The following ADCY8 variants were observed in gnomAD, a reference collection of about 807,000 sequenced individuals.
ADCY8 encodes the protein adenylate cyclase 8.
Under a neutral mutation model 119.7 loss-of-function variants are expected in ADCY8, and 51 were observed. That is an observed-to-expected ratio of 0.43 (90% CI 0.34 to 0.54). The LOEUF is 0.54. ADCY8 is among the 20% of genes least tolerant of loss of function. The pLI, the probability that ADCY8 is intolerant of heterozygous loss-of-function variation, is 0.03. For synonymous variants in ADCY8, 665 were observed against 651.0 expected (o/e 1.02, Z -0.33); for missense variants, 1,383 against 1,598.8 (o/e 0.87, Z 2.30).
At chr8:130,859,553 A>T (rs1371530799) in intron 9 of ADCY8, among the ~76,000 whole-genome samples, 2 of 152,140 alleles carry the variant, frequency 1.3e-5, no homozygotes, top group African/African-American at 4.8e-5. Flanking sequence ...TTTACTCCCC[A>T]CATCCCCTTC....
At chr8:130,890,005 T>C (rs1819127437) in intron 7 of ADCY8, among the ~76,000 whole-genome samples, 1 of 152,120 alleles carries the variant, frequency 6.6e-6, no homozygotes, top group Non-Finnish European at 1.5e-5. Context: ...CTCTAGACTA[T>C]GATCTCCTTG....
chr8:130,880,133 G>GTAAC (rs987389458), intron 8 of ADCY8, among the ~76,000 whole-genome samples: 2 of 152,160 alleles, frequency 1.3e-5, no homozygotes, highest in African/African-American at 4.8e-5. Context: ...CCAGCCATGT[G>GTAAC]TAACTGTAAG....
At chr8:130,961,614 C>T (rs11786761) in intron 2 of ADCY8, among the ~76,000 whole-genome samples, 12 of 152,000 alleles carry the variant, frequency 7.9e-5, no homozygotes, top group African/African-American at 1.7e-4. Context: ...TATCCTTCCA[C>T]TTCCCTTCTT....
intron 7 of ADCY8, among the ~76,000 whole-genome samples, chr8:130,900,565 T>G (rs1170773232): frequency 7.2e-5 from 11 of 152,316 alleles, no homozygotes; most frequent in Non-Finnish European, 1.5e-5. Context: ...TTGTCTCCAT[T>G]TGACTTTGCT....
chr8:130,931,602 C>A (rs1820631255), intron 5 of ADCY8, among the ~76,000 whole-genome samples: 1 of 152,034 alleles, frequency 6.6e-6, no homozygotes, highest in Non-Finnish European at 1.5e-5. Flanking sequence ...TGATGTTGTC[C>A]TATAAATCTT....
chr8:130,952,086 T>C, intron 2 of ADCY8, 88 bp from the exon 3 acceptor site: 1 of 1,475,818 alleles, frequency 6.8e-7, no homozygotes, highest in Non-Finnish European at 9.3e-7. Flanking sequence ...ATGGGGCTTT[T>C]GGATGAACTC....
intron 11 of ADCY8, among the ~76,000 whole-genome samples, chr8:130,841,077 C>T (rs1285864041): frequency 2.0e-5 from 3 of 152,238 alleles, no homozygotes; most frequent in South Asian, 2.1e-4. Context: ...ATTCATCTTA[C>T]ATTAGATGAA....
chr8:130,950,638 CT>C (rs1175027277), intron 3 of ADCY8, among the ~76,000 whole-genome samples: 1 of 152,208 alleles, frequency 6.6e-6, no homozygotes, highest in Non-Finnish European at 1.5e-5. Flanking sequence ...GCCCATTTCC[CT>C]CATGTACTTC....
chr8:130,896,210 C>T (rs1030514486), intron 7 of ADCY8, among the ~76,000 whole-genome samples: 2 of 152,258 alleles, frequency 1.3e-5, no homozygotes, highest in Admixed American at 1.3e-4. Flanking sequence ...CTGCTGACCT[C>T]TTAGTAGCAC....
At chr8:130,909,659 T>G in intron 6 of ADCY8, 49 bp downstream of exon 6, 1 of 1,607,504 alleles carries the variant, frequency 6.2e-7, no homozygotes, top group Non-Finnish European at 8.5e-7. Context: ...TGTCACAAAA[T>G]AAGCCAATGA....
intron 5 of ADCY8, among the ~76,000 whole-genome samples, chr8:130,931,582 T>G (rs1820630825): frequency 6.6e-6 from 1 of 152,174 alleles, no homozygotes; most frequent in Non-Finnish European, 1.5e-5. Flanking sequence ...GACTTGAATA[T>G]TTGCTCTTTT....
chr8:130,873,140 G>A (rs1030272122), intron 8 of ADCY8, among the ~76,000 whole-genome samples: 1 of 152,164 alleles, frequency 6.6e-6, no homozygotes, highest in African/African-American at 2.4e-5. Context: ...TTCCATGCCT[G>A]GGATAGTCCT....
chr8:131,039,959 G>A lies in ADCY8; in HGVS notation c.375C>T (p.Gly125=). The change falls in exon 1 of 18, where the codon GGC becomes GGT. Residue 125 remains glycine, a synonymous_variant. Coordinates refer to ENST00000286355, the MANE Select transcript of ADCY8 (RefSeq NM_001115.3). ...SGSASGSGGG[G]DLGFLHLDCA... ...AGTCAAGGTGCAGGAAGCCCAGGTC[G>A]CCCCCGCCTCCGCTGCCGCTGGCAC... The A allele has an allele frequency of 1.3e-6, 2 of 1,586,948 alleles. No homozygotes were observed. The highest frequency in any genetic ancestry group is 2.3e-5 in the East Asian group (1 of 43,514).
intron 12 of ADCY8, among the ~76,000 whole-genome samples, chr8:130,830,662 G>A (rs1816807398): frequency 6.6e-6 from 1 of 152,130 alleles, no homozygotes; most frequent in African/African-American, 2.4e-5. Flanking sequence ...AGACAACATA[G>A]CCACTTCACT....
chr8:130,910,435 G>A (rs996906926), intron 5 of ADCY8, among the ~76,000 whole-genome samples: 7 of 151,936 alleles, frequency 4.6e-5, no homozygotes, highest in Admixed American at 4.6e-4. Flanking sequence ...CCACCATCAT[G>A]CCTGAGTCTG....
chr8:130,867,382 G>A (rs1254053085), intron 9 of ADCY8, among the ~76,000 whole-genome samples: 3 of 152,174 alleles, frequency 2.0e-5, no homozygotes, highest in Non-Finnish European at 2.9e-5. Flanking sequence ...TACCTCATAA[G>A]GTTGTCATGG....
At chr8:130,928,519 A>G (rs996126612) in intron 5 of ADCY8, among the ~76,000 whole-genome samples, 2 of 152,174 alleles carry the variant, frequency 1.3e-5, no homozygotes, top group Non-Finnish European at 2.9e-5. Flanking sequence ...TTCTGCATCT[A>G]TTGAAATGAT....
intron 2 of ADCY8, among the ~76,000 whole-genome samples, chr8:130,957,940 C>T (rs564320924): frequency 5.9e-5 from 9 of 152,182 alleles, no homozygotes; most frequent in Non-Finnish European, 1.0e-4. Context: ...ATGGGACATT[C>T]ATGGAGAACC....
At chr8:130,857,768 C>A (rs1281354656) in intron 9 of ADCY8, among the ~76,000 whole-genome samples, 1 of 152,122 alleles carries the variant, frequency 6.6e-6, no homozygotes. Flanking sequence ...TCTTTTATTT[C>A]TTTAAAATGT....
Sources: gnomAD v4.1 joint callset for allele counts (sites outside exome capture counted in the v4.1 genomes callset) on GRCh38, gnomAD v4.1.1 for gene constraint, MANE v1.5 for transcripts, NCBI Gene and HGNC (gene_info 2026-07-23, HGNC 2026-07-21) for gene names.